Variants in SORCS1 observed in about 807,000 individuals in gnomAD.
The protein encoded by SORCS1 is VPS10 domain-containing receptor SorCS1.
A neutral mutation model predicts 146.1 loss-of-function variants in SORCS1; 60 were observed. The observed-to-expected ratio is 0.41, with a 90% confidence interval of 0.33 to 0.51. The LOEUF (loss-of-function observed/expected upper bound fraction) is 0.51, where lower values mean the gene tolerates loss of function less well. Ranked by LOEUF, SORCS1 falls within the 20% of genes least tolerant of loss-of-function variation. The pLI, the probability that SORCS1 is intolerant of heterozygous loss-of-function variation, is 0.21. For missense variants in SORCS1, 1,352 were observed against 1,487.6 expected (o/e 0.91, Z 1.50); for synonymous variants, 637 against 584.0 (o/e 1.09, Z -1.31).
At chr10:106,951,641 T>C (rs1421666107) in intron 2 of SORCS1, among the ~76,000 whole-genome samples, 1 of 151,868 alleles carries the variant, frequency 6.6e-6, no homozygotes, top group African/African-American at 2.4e-5. Context: ...AATACAACAC[T>C]GTTGAATAAA....
chr10:106,673,210 C>T (rs1812322875), intron 14 of SORCS1, among the ~76,000 whole-genome samples: 1 of 151,008 alleles, frequency 6.6e-6, no homozygotes, highest in South Asian at 2.1e-4. Context: ...CGGCTCACTA[C>T]AACCCCTGAC....
chr10:106,895,799 A>G (rs1433482394), intron 2 of SORCS1, among the ~76,000 whole-genome samples: 1 of 152,206 alleles, frequency 6.6e-6, no homozygotes, highest in Non-Finnish European at 1.5e-5. Context: ...GTCCAAACAG[A>G]GTCTCAAAGG....
At chr10:106,591,225 C>T (rs1845585769) in intron 24 of SORCS1, among the ~76,000 whole-genome samples, 1 of 152,184 alleles carries the variant, frequency 6.6e-6, no homozygotes, top group African/African-American at 2.4e-5. Context: ...CAGTCGTTCT[C>T]CCATTCTCTC....
intron 2 of SORCS1, among the ~76,000 whole-genome samples, chr10:106,926,165 T>G (rs1039517596): frequency 2.0e-4 from 30 of 152,322 alleles, no homozygotes; most frequent in African/African-American, 7.0e-4. Flanking sequence ...AAGAGTTATG[T>G]TTATCACAGC....
At chr10:107,093,604 A>C (rs1439812349) in intron 1 of SORCS1, among the ~76,000 whole-genome samples, 1 of 150,824 alleles carries the variant, frequency 6.6e-6, no homozygotes. Flanking sequence ...ACCCGGGACA[A>C]GGAGGTTGCA....
chr10:106,677,148 G>A (rs1027234394), intron 13 of SORCS1, among the ~76,000 whole-genome samples, 165 bp downstream of exon 13: 1 of 152,166 alleles, frequency 6.6e-6, no homozygotes, highest in Non-Finnish European at 1.5e-5. Flanking sequence ...TTGTCTCAGT[G>A]GATTGGCTTT....
At chr10:106,713,482 A>G (rs1414168037) in intron 6 of SORCS1, among the ~76,000 whole-genome samples, 1 of 152,208 alleles carries the variant, frequency 6.6e-6, no homozygotes, top group East Asian at 1.9e-4. Context: ...GAAAATAATA[A>G]CATACCCTTT....
intron 15 of SORCS1, among the ~76,000 whole-genome samples, chr10:106,671,868 G>C (rs1480248333): frequency 6.6e-6 from 1 of 152,194 alleles, no homozygotes; most frequent in Non-Finnish European, 1.5e-5. Context: ...TACCAGACAA[G>C]CGAGAGAGCT....
intron 5 of SORCS1, among the ~76,000 whole-genome samples, chr10:106,735,717 C>T (rs1048057405): frequency 2.6e-5 from 4 of 152,146 alleles, no homozygotes; most frequent in Admixed American, 1.3e-4. Context: ...TGAAAAGACA[C>T]CAGGGGCCCA....
At chr10:106,835,993 G>A (rs1342557751) in intron 2 of SORCS1, among the ~76,000 whole-genome samples, 2 of 142,678 alleles carry the variant, frequency 1.4e-5, no homozygotes, top group Non-Finnish European at 3.0e-5. Flanking sequence ...CAACAGGAGC[G>A]AGACTGCGTC....
At chr10:106,894,972 C>T (rs1951410505) in intron 2 of SORCS1, among the ~76,000 whole-genome samples, 1 of 152,172 alleles carries the variant, frequency 6.6e-6, no homozygotes, top group African/African-American at 2.4e-5. Context: ...AGTACCCCAA[C>T]ATATTAGCTT....
At chr10:106,814,881 C>CT (rs2136842444) in intron 3 of SORCS1, among the ~76,000 whole-genome samples, 1 of 137,142 alleles carries the variant, frequency 7.3e-6, no homozygotes, top group East Asian at 2.2e-4. Flanking sequence ...CGCCACTGCT[C>CT]TCCAGCCTGG....
intron 22 of SORCS1, among the ~76,000 whole-genome samples, chr10:106,609,304 C>T (rs894412745): frequency 3.9e-5 from 6 of 152,160 alleles, no homozygotes; most frequent in Admixed American, 6.5e-5. Flanking sequence ...CTTCATTGTA[C>T]ACAAAAATGT....
At chr10:107,019,418 C>T (rs978289592) in intron 1 of SORCS1, among the ~76,000 whole-genome samples, 4 of 152,106 alleles carry the variant, frequency 2.6e-5, no homozygotes, top group Non-Finnish European at 1.5e-5. Context: ...AGAATGACTA[C>T]CACAGAAATA....
intron 2 of SORCS1, among the ~76,000 whole-genome samples, chr10:106,896,340 A>C (rs566522205): frequency 6.6e-6 from 1 of 151,698 alleles, no homozygotes; most frequent in East Asian, 1.9e-4. Flanking sequence ...GAGGCACGAG[A>C]ATTGCTTGAA....
intron 2 of SORCS1, among the ~76,000 whole-genome samples, chr10:106,893,714 G>GA (rs1052213505): frequency 1.3e-5 from 2 of 152,078 alleles, no homozygotes; most frequent in African/African-American, 2.4e-5. Flanking sequence ...AGATTCACAG[G>GA]AAAAAAATGC....
intron 1 of SORCS1, among the ~76,000 whole-genome samples, chr10:107,156,632 T>G (rs1969302996): frequency 6.6e-6 from 1 of 152,212 alleles, no homozygotes; most frequent in Admixed American, 6.5e-5. Context: ...GGTAACTCAG[T>G]TATAATCCTT....
At chr10:107,138,055 T>C (rs1474921702) in intron 1 of SORCS1, among the ~76,000 whole-genome samples, 1 of 152,164 alleles carries the variant, frequency 6.6e-6, no homozygotes, top group East Asian at 1.9e-4. Flanking sequence ...TTTCCATTAT[T>C]ATCACAATAA....
At chr10:106,751,005 G>A (rs1315048918) in intron 5 of SORCS1, among the ~76,000 whole-genome samples, 8 of 126,920 alleles carry the variant, frequency 6.3e-5, no homozygotes. Context: ...GTTGCAGTGA[G>A]CCGAGATAGT....
Sources: gnomAD v4.1 joint callset for allele counts (sites outside exome capture counted in the v4.1 genomes callset) on GRCh38, gnomAD v4.1.1 for gene constraint, MANE v1.5 for transcripts, NCBI Gene and HGNC (gene_info 2026-07-23, HGNC 2026-07-21) for gene names.